The following ARHGAP6 variants were observed in gnomAD, a reference collection of about 807,000 sequenced individuals.
ARHGAP6 encodes rho GTPase-activating protein 6.
In ARHGAP6, 16 loss-of-function variants were observed where a neutral mutation model predicts 55.7. The ratio of observed to expected loss-of-function variants is 0.29; its 90% CI spans 0.19 to 0.44. The LOEUF is 0.44. ARHGAP6 is among the 20% of genes least tolerant of loss of function. The probability of loss-of-function intolerance (pLI) is 1.00; values close to 1 mark genes in which losing one functional copy is unlikely to be tolerated. For synonymous variants in ARHGAP6, 382 were observed against 360.9 expected, an observed-to-expected ratio of 1.06 and a Z score of -0.66; for missense variants, 698 against 808.9, an observed-to-expected ratio of 0.86 and a Z score of 1.66.
chrX:11,288,251 G>A (rs1476648380), intron 1 of ARHGAP6, among the ~76,000 whole-genome samples: 1 of 111,939 alleles, frequency 8.9e-6, no homozygotes, highest in African/African-American at 3.3e-5. Context: ...TACCCGGCAT[G>A]CGGGAGGTGA....
chrX:11,199,940 T>C (rs972911992), intron 2 of ARHGAP6, among the ~76,000 whole-genome samples: 4 of 112,511 alleles, frequency 3.6e-5, no homozygotes, highest in Non-Finnish European at 7.5e-5. Context: ...TTCTCCTTTG[T>C]GATTAATCTG....
intron 1 of ARHGAP6, among the ~76,000 whole-genome samples, chrX:11,563,595 C>A (rs2051411387): frequency 9.0e-6 from 1 of 111,242 alleles, no homozygotes; most frequent in Admixed American, 9.6e-5. Context: ...CACATCTCTG[C>A]AAAGATTGGA....
At chrX:11,240,321 T>C (rs2047258228) in intron 2 of ARHGAP6, among the ~76,000 whole-genome samples, 1 of 112,015 alleles carries the variant, frequency 8.9e-6, no homozygotes, top group Non-Finnish European at 1.9e-5. Flanking sequence ...ATGGAATGGA[T>C]AGCAGCTCTG....
chrX:11,591,343 T>C (rs1011016163), intron 1 of ARHGAP6, among the ~76,000 whole-genome samples: 3 of 109,388 alleles, frequency 2.7e-5, no homozygotes, highest in East Asian at 2.8e-4. Flanking sequence ...CAGCCTTAAA[T>C]TTAAAATATG....
At chrX:11,651,010 A>C (rs2052577898) in intron 1 of ARHGAP6, among the ~76,000 whole-genome samples, 1 of 112,479 alleles carries the variant, frequency 8.9e-6, no homozygotes, top group Non-Finnish European at 1.9e-5. Context: ...AAATATCTAG[A>C]GTAACACTCT....
At chrX:11,419,838 A>G (rs2049797172) in intron 1 of ARHGAP6, among the ~76,000 whole-genome samples, 2 of 113,014 alleles carry the variant, frequency 1.8e-5, no homozygotes, top group Non-Finnish European at 1.9e-5. Flanking sequence ...CATCTAAACT[A>G]CTTCTGTTGC....
At chrX:11,178,735 T>C (rs1335081167) in intron 7 of ARHGAP6, among the ~76,000 whole-genome samples, 1 of 112,410 alleles carries the variant, frequency 8.9e-6, no homozygotes, top group African/African-American at 3.2e-5. Context: ...GTCTTCTCTC[T>C]CCGTTGTGAT....
chrX:11,368,164 G>T (rs1395799752), intron 1 of ARHGAP6, among the ~76,000 whole-genome samples: 2 of 112,334 alleles, frequency 1.8e-5, no homozygotes, highest in Non-Finnish European at 3.8e-5. Flanking sequence ...CTTGCATGAG[G>T]ACTAATTGTT....
In ARHGAP6 at chrX:11,578,032, A is replaced by G. The variant is rs1252678735; in HGVS notation, c.588+86209T>C. 6.3e-5 allele frequency among the ~76,000 whole-genome samples: 7 copies of G among 111,749 alleles called. No homozygotes were observed. The East Asian group carries it at 2.0e-3, about 31-fold the overall frequency. On this transcript the variant is annotated intron_variant, in intron 1 of 12. Coordinates refer to ENST00000337414, the MANE Select transcript of ARHGAP6 (RefSeq NM_013427.3). ...ACTACTTAAATTTTGAAGGAAAAAA[A>G]AGAAGGAAGAAAAGGAGAAAAGGAA...
At chrX:11,321,676 C>A (rs1281425739) in intron 1 of ARHGAP6, among the ~76,000 whole-genome samples, 1 of 111,125 alleles carries the variant, frequency 9.0e-6, no homozygotes, top group Admixed American at 9.6e-5. Flanking sequence ...TTAGCCACAG[C>A]CATTATAGCA....
chrX:11,618,980 T>C (rs1314622108), intron 1 of ARHGAP6, among the ~76,000 whole-genome samples: 1 of 111,665 alleles, frequency 9.0e-6, no homozygotes, highest in Non-Finnish European at 1.9e-5. Flanking sequence ...AGTGCATAGC[T>C]GGAGAGCTAA....
chrX:11,405,100 C>T (rs1297884291), intron 1 of ARHGAP6, among the ~76,000 whole-genome samples: 2 of 111,681 alleles, frequency 1.8e-5, no homozygotes, highest in Non-Finnish European at 3.8e-5. Context: ...TGCTGGCTGC[C>T]CCTCCAGCAA....
chrX:11,496,940 C>T lies in ARHGAP6; in HGVS notation c.588+167301G>A, dbSNP rs755923743. On this transcript the variant is annotated intron_variant, in intron 1 of 12. Coordinates refer to ENST00000337414, the MANE Select transcript of ARHGAP6 (RefSeq NM_013427.3). ...AGCTGCTTAGTGGGAAGCTGTATCA[C>T]ACATCAGCCCTACAAGTTGTGGTGA... 6.4e-4 allele frequency among the ~76,000 whole-genome samples: 72 copies of T among 112,192 alleles called. 1 individual carries two copies. The highest frequency in any genetic ancestry group is 1.2e-3 in the Non-Finnish European group (65 of 53,224).
At chrX:11,237,101 G>A (rs1389553508) in intron 2 of ARHGAP6, among the ~76,000 whole-genome samples, 1 of 112,622 alleles carries the variant, frequency 8.9e-6, no homozygotes, top group Non-Finnish European at 1.9e-5. Flanking sequence ...CAATTCACAG[G>A]TGCACCTGAA....
chrX:11,410,979 CA>C (rs911599488), intron 1 of ARHGAP6, among the ~76,000 whole-genome samples: 3 of 106,241 alleles, frequency 2.8e-5, no homozygotes, highest in African/African-American at 1.0e-4. Flanking sequence ...AACAAACAAA[CA>C]AAAAAATGGG....
intron 1 of ARHGAP6, among the ~76,000 whole-genome samples, chrX:11,285,665 T>A (rs974762016): frequency 8.9e-6 from 1 of 111,943 alleles, no homozygotes; most frequent in Non-Finnish European, 1.9e-5. Context: ...CCTCAATCAC[T>A]TTGTGATTCC....
chrX:11,193,885 G>C (rs1569250051), intron 3 of ARHGAP6, among the ~76,000 whole-genome samples: 1 of 112,689 alleles, frequency 8.9e-6, no homozygotes, highest in Non-Finnish European at 1.9e-5. Context: ...TTCTGTTGAG[G>C]GAACATCTCA....
chrX:11,635,417 TTAC>T (rs2052407548), intron 1 of ARHGAP6, among the ~76,000 whole-genome samples: 1 of 112,139 alleles, frequency 8.9e-6, no homozygotes, highest in Non-Finnish European at 1.9e-5. Context: ...TGAGCATATA[TTAC>T]TTTTATAATT....
intron 1 of ARHGAP6, among the ~76,000 whole-genome samples, chrX:11,561,809 GC>G (rs972393717): frequency 8.9e-6 from 1 of 112,131 alleles, no homozygotes; most frequent in Non-Finnish European, 1.9e-5. Flanking sequence ...GCTGCAGAAA[GC>G]CCTGGCTTCC....
Sources: allele counts gnomAD v4.1 joint callset (sites outside exome capture counted in the v4.1 genomes callset), GRCh38; gene constraint gnomAD v4.1.1; transcripts MANE v1.5; gene names NCBI Gene and HGNC (gene_info 2026-07-23, HGNC 2026-07-21).